The following ZFHX3 variants were observed in gnomAD, a reference collection of about 807,000 sequenced individuals.
ZFHX3 encodes zinc finger homeobox 3, also known as zinc finger homeobox protein 3.
Under a neutral mutation model 279.1 loss-of-function variants are expected in ZFHX3, and 42 were observed. The ratio of observed to expected loss-of-function variants is 0.15; its 90% CI spans 0.12 to 0.19. ZFHX3 has a LOEUF of 0.19. Ranked by LOEUF, ZFHX3 falls within the 10% of genes least tolerant of loss-of-function variation. ZFHX3 has a pLI of 1.00. For missense variants in ZFHX3, 4,981 were observed against 4,754.0 expected (o/e 1.05, Z -1.40); for synonymous variants, 2,293 against 1,957.8 (o/e 1.17, Z -4.52).
chr16:72,890,488 C>G (rs2038745178), intron 3 of ZFHX3, among the ~76,000 whole-genome samples: 1 of 149,404 alleles, frequency 6.7e-6, no homozygotes, highest in African/African-American at 2.5e-5. Context: ...TGTGAGATTC[C>G]TTAGAGGGTT....
intron 1 of ZFHX3, among the ~76,000 whole-genome samples, chr16:73,028,299 C>T (rs745609487): frequency 1.8e-4 from 27 of 152,200 alleles, no homozygotes; most frequent in Admixed American, 6.5e-4. Context: ...CTCAAGACCT[C>T]AGTCCACCGG....
intron 7 of ZFHX3, among the ~76,000 whole-genome samples, chr16:73,119,389 G>GAGTC (rs112570574): frequency 4.6e-5 from 7 of 152,298 alleles, no homozygotes; most frequent in African/African-American, 1.7e-4. Flanking sequence ...TTACAGGTGT[G>GAGTC]AGTCACCACA....
chr16:73,287,059 C>A (rs1442213551), intron 4 of ZFHX3, among the ~76,000 whole-genome samples: 1 of 69,252 alleles, frequency 1.4e-5, no homozygotes, highest in African/African-American at 6.0e-5. Context: ...TGTGGCTGTA[C>A]GGGCCAGTGT....
At chr16:73,699,413 C>G (rs948042615) in intron 1 of ZFHX3, among the ~76,000 whole-genome samples, 5 of 152,174 alleles carry the variant, frequency 3.3e-5, no homozygotes, top group African/African-American at 1.2e-4. Context: ...GCCTGTCTGT[C>G]TCAGTCATGT....
chr16:72,914,969 C>T (rs564396110), intron 3 of ZFHX3, among the ~76,000 whole-genome samples: 2 of 152,176 alleles, frequency 1.3e-5, no homozygotes, highest in African/African-American at 2.4e-5. Flanking sequence ...CTAGCCTGGG[C>T]GACAGAGTGA....
At chr16:73,611,861 T>G (rs1373402381) in intron 2 of ZFHX3, among the ~76,000 whole-genome samples, 4 of 152,228 alleles carry the variant, frequency 2.6e-5, no homozygotes, top group Admixed American at 6.5e-5. Context: ...ATGGTTTTCT[T>G]TCTAAATATT....
At chr16:73,192,548 C>G (rs1029472238) in intron 5 of ZFHX3, among the ~76,000 whole-genome samples, 1 of 152,134 alleles carries the variant, frequency 6.6e-6, no homozygotes, top group Non-Finnish European at 1.5e-5. Flanking sequence ...GTTTCTAATG[C>G]GTCTGAGCTG....
intron 2 of ZFHX3, among the ~76,000 whole-genome samples, chr16:73,515,512 G>A (rs956341006): frequency 5.3e-5 from 8 of 150,864 alleles, no homozygotes; most frequent in African/African-American, 9.8e-5. Context: ...GAGAAAGAGA[G>A]AGAAAGAAAG....
chr16:73,768,943 T>C (rs1280863111), intron 1 of ZFHX3, among the ~76,000 whole-genome samples: 1 of 152,066 alleles, frequency 6.6e-6, no homozygotes, highest in African/African-American at 2.4e-5. Context: ...CAAACACAAA[T>C]ATGGGATGCC....
intron 4 of ZFHX3, among the ~76,000 whole-genome samples, chr16:73,281,434 A>G (rs941116796): frequency 6.6e-6 from 1 of 152,182 alleles, no homozygotes; most frequent in Non-Finnish European, 1.5e-5. Context: ...AGAAGCAGAG[A>G]GTAGCATGGT....
chr16:73,590,404 C>G (rs1199676828), intron 2 of ZFHX3, among the ~76,000 whole-genome samples: 1 of 152,146 alleles, frequency 6.6e-6, no homozygotes, highest in Non-Finnish European at 1.5e-5. Context: ...TGTTGGAAAA[C>G]AAGGATGGTG....
At chr16:72,851,360 C>T (rs191928468) in intron 4 of ZFHX3, among the ~76,000 whole-genome samples, 1 of 152,176 alleles carries the variant, frequency 6.6e-6, no homozygotes, top group Non-Finnish European at 1.5e-5. Flanking sequence ...CAGGGAGATA[C>T]CCCGACAAGG....
At chr16:73,634,886 G>A (rs2142150702) in intron 2 of ZFHX3, among the ~76,000 whole-genome samples, 1 of 152,172 alleles carries the variant, frequency 6.6e-6, no homozygotes, top group South Asian at 2.1e-4. Context: ...AGGTGTTTGT[G>A]GTTGTGTGTG....
intron 3 of ZFHX3, among the ~76,000 whole-genome samples, chr16:72,941,739 G>A (rs1458947477): frequency 6.6e-6 from 1 of 151,968 alleles, no homozygotes; most frequent in African/African-American, 2.4e-5. Flanking sequence ...AGTTTTCTTT[G>A]CTGTATTTGC....
intron 4 of ZFHX3, among the ~76,000 whole-genome samples, chr16:72,881,750 C>A (rs2038478182): frequency 6.6e-6 from 1 of 152,126 alleles, no homozygotes; most frequent in South Asian, 2.1e-4. Context: ...CCACTTCCTG[C>A]TACACTGTCG....
At chr16:72,866,253 C>T (rs1433472174) in intron 4 of ZFHX3, among the ~76,000 whole-genome samples, 1 of 152,170 alleles carries the variant, frequency 6.6e-6, no homozygotes, top group Non-Finnish European at 1.5e-5. Flanking sequence ...GTTGCACCCA[C>T]TATGTGCCAG....
intron 1 of ZFHX3, among the ~76,000 whole-genome samples, chr16:73,886,915 C>A (rs1388174280): frequency 2.0e-5 from 3 of 152,162 alleles, no homozygotes; most frequent in Non-Finnish European, 4.4e-5. Flanking sequence ...TTAAAAGTTT[C>A]TATAAAGTTG....
intron 1 of ZFHX3, among the ~76,000 whole-genome samples, chr16:73,781,024 T>G (rs914099128): frequency 3.3e-5 from 5 of 152,216 alleles, no homozygotes; most frequent in African/African-American, 1.2e-4. Context: ...TCTTCTATAT[T>G]AAAAGCTTTA....
intron 3 of ZFHX3, among the ~76,000 whole-genome samples, chr16:73,417,988 C>CA (rs71156161): frequency 0.17 from 9,457 of 57,134 alleles, 669 homozygotes; most frequent in Non-Finnish European, 0.17. Flanking sequence ...GACTCCATCT[C>CA]AAAAAAAAAA....
Sources: gnomAD v4.1 joint callset for allele counts (sites outside exome capture counted in the v4.1 genomes callset) on GRCh38, gnomAD v4.1.1 for gene constraint, MANE v1.5 for transcripts, NCBI Gene and HGNC (gene_info 2026-07-23, HGNC 2026-07-21) for gene names.